Variants in ZNF385D observed in about 807,000 individuals in gnomAD.
The protein encoded by ZNF385D is zinc finger protein 385D.
Under a neutral mutation model 35.8 loss-of-function variants are expected in ZNF385D, and 15 were observed. That is an observed-to-expected ratio of 0.42 (90% CI 0.28 to 0.64). The LOEUF is 0.64. Among genes scored for constraint, ZNF385D ranks in the 30% least tolerant of loss-of-function variants. ZNF385D has a pLI of 0.23. For missense variants in ZNF385D, 474 were observed against 494.6 expected (o/e 0.96, Z 0.39); for synonymous variants, 212 against 186.8 (o/e 1.13, Z -1.10).
chr3:21,883,002 C>T (rs986107027), intron 3 of ZNF385D, among the ~76,000 whole-genome samples: 1 of 151,962 alleles, frequency 6.6e-6, no homozygotes, highest in Non-Finnish European at 1.5e-5. Flanking sequence ...AACAAACCCT[C>T]ATTAAAATAT....
intron 3 of ZNF385D, among the ~76,000 whole-genome samples, chr3:22,099,356 G>C (rs146263656): frequency 6.6e-6 from 1 of 152,232 alleles, no homozygotes; most frequent in East Asian, 1.9e-4. Flanking sequence ...CCATAAGAAA[G>C]GGAGCAGACC....
intron 3 of ZNF385D, among the ~76,000 whole-genome samples, chr3:21,936,808 C>T (rs980959415): frequency 6.6e-6 from 1 of 152,100 alleles, no homozygotes; most frequent in Non-Finnish European, 1.5e-5. Context: ...TTATTTACCT[C>T]ATTGTGCTGA....
rs187232744 is a variant in ZNF385D, at chr3:22,007,366, C to T, written c.325+161451G>A. Among the ~76,000 whole-genome samples the T allele has an allele frequency of 1.2e-3, 182 of 152,302 alleles. 5 individuals are homozygous for T. Among genetic ancestry groups the T allele is most frequent in the East Asian group, 1.9e-4 (1 of 5,190 alleles). ...GGAATAACAGTCTTGCGTAAGTCTA[C>T]CATACCATTCAAATCAGACTTTTAT... On this transcript the variant is annotated intron_variant, in intron 3 of 5. Coordinates refer to the ZNF385D transcript ENST00000494108.
chr3:22,336,481 T>C (rs779493437), intron 2 of ZNF385D, among the ~76,000 whole-genome samples: 2 of 152,278 alleles, frequency 1.3e-5, no homozygotes, highest in East Asian at 1.9e-4. Context: ...TATTTTTATA[T>C]TCTATGTGAC....
intron 1 of ZNF385D, among the ~76,000 whole-genome samples, chr3:21,706,843 GATAGATAGATAA>G (rs1367796205): frequency 4.1e-4 from 49 of 120,356 alleles, no homozygotes; most frequent in Middle Eastern, 4.2e-3. Flanking sequence ...TAGATAGATA[GATAGATAGATAA>G]ATAGATTAGA....
At chr3:21,901,368 G>T (rs1018414333) in intron 3 of ZNF385D, among the ~76,000 whole-genome samples, 1 of 152,092 alleles carries the variant, frequency 6.6e-6, no homozygotes, top group Middle Eastern at 3.2e-3. Flanking sequence ...CCAAAGTTTG[G>T]AAGCATATAG....
intron 2 of ZNF385D, among the ~76,000 whole-genome samples, chr3:22,245,022 G>A (rs1050690387): frequency 3.9e-5 from 6 of 152,026 alleles, no homozygotes; most frequent in Non-Finnish European, 7.4e-5. Flanking sequence ...AATTGCCAGA[G>A]AAAGTAGAAA....
At chr3:22,352,436 T>A (rs563373744) in intron 2 of ZNF385D, among the ~76,000 whole-genome samples, 1 of 152,334 alleles carries the variant, frequency 6.6e-6, no homozygotes, top group African/African-American at 2.4e-5. Flanking sequence ...ACGGTGTGAC[T>A]GAGGTTTGCA....
At chr3:22,323,311 C>G (rs535396070) in intron 2 of ZNF385D, among the ~76,000 whole-genome samples, 1 of 152,168 alleles carries the variant, frequency 6.6e-6, no homozygotes, top group South Asian at 2.1e-4. Flanking sequence ...ATATGCCCAT[C>G]GTTGATAAAA....
intron 3 of ZNF385D, among the ~76,000 whole-genome samples, chr3:21,799,689 A>G (rs1446417700): frequency 6.6e-6 from 1 of 152,094 alleles, no homozygotes; most frequent in Non-Finnish European, 1.5e-5. Context: ...CAGGCATTTG[A>G]TTCCAGATAC....
intron 2 of ZNF385D, among the ~76,000 whole-genome samples, chr3:22,310,344 G>C (rs1474138215): frequency 2.0e-5 from 3 of 151,832 alleles, no homozygotes; most frequent in Admixed American, 2.0e-4. Context: ...AAAGGGCCTA[G>C]CACATAACCT....
At chr3:21,935,153 AAG>A (rs1701197079) in intron 3 of ZNF385D, among the ~76,000 whole-genome samples, 2 of 152,172 alleles carry the variant, frequency 1.3e-5, no homozygotes, top group South Asian at 2.1e-4. Context: ...GTTGTATAGA[AAG>A]AGAGGCTGTG....
At chr3:21,859,215 G>T (rs913510001) in intron 3 of ZNF385D, among the ~76,000 whole-genome samples, 1 of 152,012 alleles carries the variant, frequency 6.6e-6, no homozygotes, top group Non-Finnish European at 1.5e-5. Context: ...TGCTCCAGGG[G>T]ATGGTGAAAG....
chr3:21,595,471 AATT>A (rs2064102624), intron 2 of ZNF385D, among the ~76,000 whole-genome samples: 1 of 149,020 alleles, frequency 6.7e-6, no homozygotes, highest in African/African-American at 2.5e-5. Context: ...TGTAATATAT[AATT>A]ATATATGTTT....
intron 1 of ZNF385D, among the ~76,000 whole-genome samples, chr3:21,740,982 G>A (rs1174110303): frequency 1.3e-5 from 2 of 152,144 alleles, no homozygotes; most frequent in African/African-American, 4.8e-5. Context: ...TACAGCCAGG[G>A]TTTAGATCCA....
At chr3:21,748,086 G>A (rs2069868317) in intron 1 of ZNF385D, among the ~76,000 whole-genome samples, 1 of 152,148 alleles carries the variant, frequency 6.6e-6, no homozygotes, top group South Asian at 2.1e-4. Flanking sequence ...AGTGTCCACG[G>A]TGACTGAACA....
intron 3 of ZNF385D, among the ~76,000 whole-genome samples, chr3:22,150,487 T>C (rs1576406856): frequency 6.6e-6 from 1 of 152,082 alleles, no homozygotes; most frequent in African/African-American, 2.4e-5. Context: ...CAACAATTAA[T>C]AGTGGGAATG....
intron 3 of ZNF385D, among the ~76,000 whole-genome samples, chr3:21,889,738 GA>G (rs1399287276): frequency 1.3e-5 from 2 of 152,130 alleles, no homozygotes; most frequent in Non-Finnish European, 2.9e-5. Flanking sequence ...GGGCTGCCAT[GA>G]CAAAGTACCA....
intron 2 of ZNF385D, among the ~76,000 whole-genome samples, chr3:22,308,265 C>A (rs1000066577): frequency 6.6e-6 from 1 of 152,024 alleles, no homozygotes; most frequent in South Asian, 2.1e-4. Flanking sequence ...CTCATCTGAG[C>A]GGAATTTTAT....
Sources: allele counts gnomAD v4.1 joint callset (sites outside exome capture counted in the v4.1 genomes callset), GRCh38; gene constraint gnomAD v4.1.1; transcripts MANE v1.5; gene names NCBI Gene and HGNC (gene_info 2026-07-23, HGNC 2026-07-21).